Variants in NUP54 observed in about 807,000 individuals in gnomAD.
NUP54 encodes nucleoporin p54.
Under a neutral mutation model 66.4 loss-of-function variants are expected in NUP54, and 27 were observed. The ratio of observed to expected loss-of-function variants is 0.41; its 90% CI spans 0.30 to 0.56. NUP54 has a LOEUF of 0.56. Among genes scored for constraint, NUP54 ranks in the 20% least tolerant of loss-of-function variants. The probability of loss-of-function intolerance (pLI) is 0.34; values close to 1 mark genes in which losing one functional copy is unlikely to be tolerated. For missense variants in NUP54, 486 were observed against 596.3 expected, an observed-to-expected ratio of 0.82 and a Z score of 1.93; for synonymous variants, 206 against 210.7, an observed-to-expected ratio of 0.98 and a Z score of 0.19.
At chr4:76,122,326 T>C (rs563871012) in intron 9 of NUP54, among the ~76,000 whole-genome samples, 2 of 152,166 alleles carry the variant, frequency 1.3e-5, no homozygotes, top group East Asian at 1.9e-4. Context: ...GGTGTTCAGT[T>C]CTATGAATCT....
rs1244177763 is a variant in NUP54 at position 76,114,811 on chromosome 4, T to C, written c.*555A>G. 1 of 152,166 alleles carries C rather than the reference T, an allele frequency of 6.6e-6. No individual in the cohort carries two copies. Among genetic ancestry groups the C allele is most frequent in the Non-Finnish European group, 1.5e-5 (1 of 68,018 alleles). 9.4% of individuals were successfully genotyped at this position (152,166 alleles called of 1,614,324 possible). On this transcript the variant is annotated 3_prime_UTR_variant, in exon 12 of 12. Transcript: ENST00000264883. Reference sequence around the variant, plus strand: ...GTGTGCTCTGTAAATTCCAAATAAGTAAAATAATATAAAAATACATTTTCA... The same window carrying C: ...GTGTGCTCTGTAAATTCCAAATAAGCAAAATAATATAAAAATACATTTTCA...
At chr4:76,136,946 GA>G in intron 3 of NUP54, among the ~76,000 whole-genome samples, 1 of 152,126 alleles carries the variant, frequency 6.6e-6, no homozygotes, top group Non-Finnish European at 1.5e-5. Flanking sequence ...GCAGCAATAG[GA>G]AACTAACACA....
In NUP54 at chr4:76,144,401, G is replaced by A; in HGVS notation, c.140C>T (p.Thr47Ile). The change falls in exon 2 of 12, where the codon ACA becomes ATA. Residue 47 changes from threonine to isoleucine, a missense_variant. Thr to Ile is a moderately conservative substitution (Grantham distance 89). This residue lies in a region of NUP54 where 145 missense variants were observed against 137.1 expected (regional missense o/e 1.06). Transcript: ENST00000264883. ...AGATGGCCTCTTACCAGTAGTGCCT[G>A]TGTTAGTTGGGGCAGAAAAGCTGAA... ...SAFSFSAPTN[T>I]GTTGLFGGTQ... 6.2e-7 allele frequency: 1 copy of A among 1,609,426 alleles called. No individual in the cohort carries two copies. The highest frequency in any genetic ancestry group is 8.5e-7 in the Non-Finnish European group (1 of 1,178,842).
chr4:76,123,306 T>G (rs1348466387), intron 9 of NUP54, among the ~76,000 whole-genome samples: 1 of 152,224 alleles, frequency 6.6e-6, no homozygotes, highest in Non-Finnish European at 1.5e-5. Flanking sequence ...TTAGCTCTTT[T>G]GTGGTTAGAC....
chr4:76,143,078 CAAA>C (rs965380344), intron 3 of NUP54, among the ~76,000 whole-genome samples: 2 of 145,460 alleles, frequency 1.4e-5, no homozygotes, highest in Non-Finnish European at 3.0e-5. Flanking sequence ...GCTGATCACT[CAAA>C]AAAAAAAGAT....
intron 3 of NUP54, among the ~76,000 whole-genome samples, chr4:76,138,158 C>T (rs2109898386): frequency 6.6e-6 from 1 of 152,144 alleles, no homozygotes; most frequent in African/African-American, 2.4e-5. Flanking sequence ...TATATATAAA[C>T]ATTGGCAAGA....
chr4:76,145,499 C>T, intron 1 of NUP54: 3 of 976,506 alleles, frequency 3.1e-6, no homozygotes, highest in Non-Finnish European at 4.0e-6. Flanking sequence ...TATATTTCTA[C>T]TTAGTCTCTG....
At chr4:76,140,428 G>A (rs1020946866) in intron 3 of NUP54, among the ~76,000 whole-genome samples, 3 of 151,840 alleles carry the variant, frequency 2.0e-5, no homozygotes, top group Non-Finnish European at 4.4e-5. Context: ...TGGGACTACA[G>A]GTGTGCACTA....
intron 1 of NUP54, chr4:76,145,505 C>G (rs113240696): frequency 9.6e-7 from 1 of 1,039,284 alleles, no homozygotes; most frequent in South Asian, 1.6e-5. Flanking sequence ...TCTACTTAGT[C>G]TCTGTCAAGA....
chr4:76,127,415 G>A (rs1242734996), intron 8 of NUP54, among the ~76,000 whole-genome samples: 3 of 109,366 alleles, frequency 2.7e-5, no homozygotes, highest in East Asian at 6.4e-4. Flanking sequence ...CTGGGCGACA[G>A]AACGAGACCC....
chr4:76,138,639 C>G (rs897587758), intron 3 of NUP54, among the ~76,000 whole-genome samples: 4 of 152,100 alleles, frequency 2.6e-5, no homozygotes, highest in Non-Finnish European at 5.9e-5. Context: ...TCTGGGAGTA[C>G]TAAATAAGGG....
At chr4:76,135,595 G>C (rs1048006761) in intron 4 of NUP54, among the ~76,000 whole-genome samples, 1 of 152,176 alleles carries the variant, frequency 6.6e-6, no homozygotes, top group African/African-American at 2.4e-5. Flanking sequence ...TTAGGTTTAA[G>C]AGACCAACGT....
chr4:76,136,602 A>G (rs1018981451), intron 3 of NUP54, among the ~76,000 whole-genome samples, 190 bp from the exon 4 acceptor site: 2 of 152,184 alleles, frequency 1.3e-5, no homozygotes, highest in African/African-American at 4.8e-5. Flanking sequence ...ATGCTGAGAT[A>G]GAGGGTTATC....
At chr4:76,125,044 C>T (rs1162913379) in intron 8 of NUP54, among the ~76,000 whole-genome samples, 2 of 152,074 alleles carry the variant, frequency 1.3e-5, no homozygotes, top group African/African-American at 2.4e-5. Flanking sequence ...AATCCCACCA[C>T]TTTGGGAGGA....
chr4:76,116,497 T>C (rs1433338908), intron 11 of NUP54, among the ~76,000 whole-genome samples: 1 of 152,170 alleles, frequency 6.6e-6, no homozygotes, highest in East Asian at 1.9e-4. Context: ...CAATCTGCAT[T>C]TATACTAATG....
chr4:76,133,024 T>C (rs1272783727), intron 5 of NUP54, among the ~76,000 whole-genome samples: 1 of 148,796 alleles, frequency 6.7e-6, no homozygotes, highest in Non-Finnish European at 1.5e-5. Context: ...TACATGTATG[T>C]GTGTCTATAC....
chr4:76,131,715 T>C (rs1730810884), intron 6 of NUP54, among the ~76,000 whole-genome samples: 1 of 152,078 alleles, frequency 6.6e-6, no homozygotes, highest in Non-Finnish European at 1.5e-5. Context: ...ACGGTAGAAC[T>C]TTCCCTGGAG....
intron 3 of NUP54, among the ~76,000 whole-genome samples, chr4:76,140,566 C>T (rs114263288): frequency 6.6e-4 from 100 of 152,286 alleles, no homozygotes; most frequent in Non-Finnish European, 1.2e-3. Flanking sequence ...ATGTGAGCCA[C>T]TGCGCTCAGC....
At chr4:76,130,785 G>C (rs1340968498) in intron 7 of NUP54, 36 bp from the exon 8 acceptor site, 2 of 1,338,324 alleles carry the variant, frequency 1.5e-6, no homozygotes. Context: ...CAGACCTTAA[G>C]CCTATTACTA....
Sources: gnomAD v4.1 joint callset for allele counts (sites outside exome capture counted in the v4.1 genomes callset) on GRCh38, gnomAD v4.1.1 for gene constraint, gnomAD v4.1.1 regional missense constraint, MANE v1.5 for transcripts, NCBI Gene and HGNC (gene_info 2026-07-23, HGNC 2026-07-21) for gene names.